The following DIAPH3 variants were observed in gnomAD, a reference collection of about 807,000 sequenced individuals.
The protein encoded by DIAPH3 is protein diaphanous homolog 3.
DIAPH3 carries 117 observed loss-of-function variants against 144.3 expected under a neutral mutation model. That is an observed-to-expected ratio of 0.81 (90% CI 0.70 to 0.95). The LOEUF (loss-of-function observed/expected upper bound fraction) is 0.95, where lower values mean the gene tolerates loss of function less well. Among genes scored for constraint, DIAPH3 ranks in the 40% least tolerant of loss-of-function variants. DIAPH3 has a pLI of 0.00. For synonymous variants in DIAPH3, 519 were observed against 488.9 expected (o/e 1.06, Z -0.81); for missense variants, 1,421 against 1,412.7 (o/e 1.01, Z -0.09).
chr13:59,818,183 C>T (rs35377706), intron 24 of DIAPH3, among the ~76,000 whole-genome samples: 62 of 151,808 alleles, frequency 4.1e-4, no homozygotes, highest in Non-Finnish European at 8.0e-4. Context: ...ACTGTATTGC[C>T]TGCAAACCTG....
chr13:59,744,461 T>C (rs1415603978), intron 27 of DIAPH3, among the ~76,000 whole-genome samples: 4 of 152,202 alleles, frequency 2.6e-5, no homozygotes, highest in African/African-American at 7.2e-5. Flanking sequence ...CAGGATGGCT[T>C]TGAATGTGGC....
chr13:59,991,087 TATG>T (rs1258277499), intron 12 of DIAPH3, 68 bp downstream of exon 12: 50 of 972,146 alleles, frequency 5.1e-5, no homozygotes, highest in Non-Finnish European at 7.9e-5. Context: ...CAAAGGCAAA[TATG>T]ATGTGAATTT....
chr13:59,768,156 C>T (rs544120389), intron 27 of DIAPH3, among the ~76,000 whole-genome samples: 2 of 152,186 alleles, frequency 1.3e-5, no homozygotes, highest in Admixed American at 6.5e-5. Flanking sequence ...CTTTTGACAG[C>T]TACAGGTAGC....
chr13:59,757,319 T>C (rs577466544), intron 27 of DIAPH3, among the ~76,000 whole-genome samples: 1 of 127,906 alleles, frequency 7.8e-6, no homozygotes, highest in South Asian at 2.7e-4. Context: ...CAGTGCTATA[T>C]ATAATGGTAA....
intron 21 of DIAPH3, among the ~76,000 whole-genome samples, chr13:59,872,449 C>G (rs1296908462): frequency 6.6e-6 from 1 of 152,058 alleles, no homozygotes; most frequent in African/African-American, 2.4e-5. Context: ...GATTCTGTAC[C>G]TCCCAATGCT....
At chr13:60,068,330 T>C (rs1282585358) in intron 4 of DIAPH3, among the ~76,000 whole-genome samples, 1 of 152,154 alleles carries the variant, frequency 6.6e-6, no homozygotes, top group African/African-American at 2.4e-5. Flanking sequence ...CCACCAGCCA[T>C]GTATGAAGGT....
intron 1 of DIAPH3, among the ~76,000 whole-genome samples, chr13:60,136,472 C>CAA (rs34487556): frequency 6.5e-4 from 53 of 81,924 alleles, no homozygotes; most frequent in African/African-American, 1.3e-3. Flanking sequence ...TTATATTTAC[C>CAA]AAAAAAAAAA....
intron 9 of DIAPH3, among the ~76,000 whole-genome samples, chr13:60,000,613 A>G (rs1045219175): frequency 1.2e-4 from 18 of 152,202 alleles, no homozygotes; most frequent in African/African-American, 4.1e-4. Context: ...AATGAAATTA[A>G]GTAAAAGGAT....
At chr13:59,908,369 C>CAAAAA (rs773306723) in intron 20 of DIAPH3, among the ~76,000 whole-genome samples, 1 of 41,156 alleles carries the variant, frequency 2.4e-5, no homozygotes, top group Non-Finnish European at 4.8e-5. Flanking sequence ...GACTCTGTCT[C>CAAAAA]AAAAAAAAAA....
At chr13:60,055,445 C>T (rs925537498) in intron 4 of DIAPH3, among the ~76,000 whole-genome samples, 2 of 151,856 alleles carry the variant, frequency 1.3e-5, no homozygotes, top group African/African-American at 2.4e-5. Flanking sequence ...ATGCAATACT[C>T]CAGTGTTATA....
intron 24 of DIAPH3, among the ~76,000 whole-genome samples, chr13:59,816,662 T>A (rs913789839): frequency 1.3e-5 from 2 of 151,826 alleles, no homozygotes; most frequent in Non-Finnish European, 2.9e-5. Context: ...ATATAAATCC[T>A]TTTTAAATTT....
chr13:60,073,417 C>A (rs1197602931), intron 4 of DIAPH3, among the ~76,000 whole-genome samples: 1 of 151,920 alleles, frequency 6.6e-6, no homozygotes, highest in Non-Finnish European at 1.5e-5. Flanking sequence ...AAGAACTTTG[C>A]AAAATGGAAA....
chr13:60,020,511 G>GTTACTAGTAA (rs1468899935), intron 5 of DIAPH3, among the ~76,000 whole-genome samples: 1 of 152,106 alleles, frequency 6.6e-6, no homozygotes, highest in Non-Finnish European at 1.5e-5. Context: ...GGGACTACAA[G>GTTACTAGTAA]CATGTGTCAC....
At chr13:59,689,749 C>T (rs181888415) in intron 27 of DIAPH3, among the ~76,000 whole-genome samples, 14 of 150,934 alleles carry the variant, frequency 9.3e-5, no homozygotes, top group Non-Finnish European at 1.5e-4. Context: ...GGTTTTAGGG[C>T]GGACAGATTT....
At chr13:59,778,520 G>A (rs2038548901) in intron 25 of DIAPH3, among the ~76,000 whole-genome samples, 1 of 152,252 alleles carries the variant, frequency 6.6e-6, no homozygotes, top group Admixed American at 6.5e-5. Context: ...GGTTGATTAT[G>A]CATGAGAATA....
At chr13:59,751,250 T>C (rs1310374688) in intron 27 of DIAPH3, among the ~76,000 whole-genome samples, 1 of 152,246 alleles carries the variant, frequency 6.6e-6, no homozygotes, top group Non-Finnish European at 1.5e-5. Flanking sequence ...ATACCAAGTA[T>C]GGAACAAAAT....
intron 27 of DIAPH3, among the ~76,000 whole-genome samples, chr13:59,763,865 G>A (rs1180849802): frequency 6.6e-6 from 1 of 152,020 alleles, no homozygotes; most frequent in African/African-American, 2.4e-5. Flanking sequence ...CAATATTTAA[G>A]AGTAAACATT....
chr13:59,810,188 C>G (rs763045849), intron 25 of DIAPH3, among the ~76,000 whole-genome samples: 1 of 151,960 alleles, frequency 6.6e-6, no homozygotes, highest in Non-Finnish European at 1.5e-5. Flanking sequence ...GAAACAAAAT[C>G]TCACTCTGTC....
chr13:59,892,868 C>T (rs1163499501), intron 20 of DIAPH3, among the ~76,000 whole-genome samples: 1 of 151,942 alleles, frequency 6.6e-6, no homozygotes, highest in African/African-American at 2.4e-5. Flanking sequence ...AAGCAAAACT[C>T]AATAGACTGC....
Sources: allele counts gnomAD v4.1 joint callset (sites outside exome capture counted in the v4.1 genomes callset), GRCh38; gene constraint gnomAD v4.1.1; transcripts MANE v1.5; gene names NCBI Gene and HGNC (gene_info 2026-07-23, HGNC 2026-07-21).